Variants in SHROOM3 observed in about 807,000 individuals in gnomAD.
SHROOM3 encodes protein Shroom3.
SHROOM3 carries 47 observed loss-of-function variants against 138.6 expected under a neutral mutation model. The observed-to-expected ratio is 0.34, with a 90% confidence interval of 0.27 to 0.43. The LOEUF is 0.43. Among genes scored for constraint, SHROOM3 ranks in the 20% least tolerant of loss-of-function variants. The pLI is 1.00. For synonymous variants in SHROOM3, 1,062 were observed against 1,063.3 expected (o/e 1.00, Z 0.02); for missense variants, 2,491 against 2,596.5 (o/e 0.96, Z 0.88).
rs191110782 is a variant in SHROOM3 at position 76,618,735 on chromosome 4, G to A, written c.323+62972G>A. 3.3e-3 allele frequency among the ~76,000 whole-genome samples: 503 copies of A among 152,296 alleles called. 1 individual carries two copies. Among genetic ancestry groups the A allele is most frequent in the African/African-American group, 0.011 (458 of 41,560 alleles). On this transcript the variant is annotated intron_variant, in intron 2 of 10. Coordinates refer to ENST00000296043, the MANE Select transcript of SHROOM3 (RefSeq NM_020859.4). ...AGCTACAGTATAATTGTCAACTCTAGTAATTTTAACATTGATGTAATACTT... is the reference window on the plus strand; with the variant it reads ...AGCTACAGTATAATTGTCAACTCTAATAATTTTAACATTGATGTAATACTT...
intron 6 of SHROOM3, among the ~76,000 whole-genome samples, chr4:76,751,766 C>T (rs938325150): frequency 2.0e-5 from 3 of 152,162 alleles, no homozygotes; most frequent in African/African-American, 4.8e-5. Flanking sequence ...GAGATGTTTA[C>T]CTCACACACA....
chr4:76,754,530 A>G lies in SHROOM3; in HGVS notation c.4047A>G (p.Ala1349=). The change falls in exon 7 of 11, where the codon GCA becomes GCG. Residue 1349 remains alanine, a synonymous_variant. Transcript: ENST00000296043. ...TQGLVTDTRA[A]PLTPIGTPLP... ...GGCTGGTCACAGACACCAGGGCTGC[A>G]CCCCTGACCCCAATTGGCACCCCTC... 6.2e-7 allele frequency: 1 copy of G among 1,613,318 alleles called. No individual in the cohort carries two copies. The highest frequency in any genetic ancestry group is 8.5e-7 in the Non-Finnish European group (1 of 1,179,530).
At chr4:76,618,611 T>C (rs1734933051) in intron 2 of SHROOM3, among the ~76,000 whole-genome samples, 1 of 152,250 alleles carries the variant, frequency 6.6e-6, no homozygotes, top group South Asian at 2.1e-4. Flanking sequence ...CTATGTACTA[T>C]AATATTTTTT....
intron 2 of SHROOM3, among the ~76,000 whole-genome samples, chr4:76,638,110 G>C (rs1445865466): frequency 6.6e-6 from 1 of 152,160 alleles, no homozygotes. Flanking sequence ...TCAACAGATA[G>C]AGACTTCCAT....
At chr4:76,628,291 A>AT (rs1444111820) in intron 2 of SHROOM3, among the ~76,000 whole-genome samples, 1 of 152,162 alleles carries the variant, frequency 6.6e-6, no homozygotes, top group East Asian at 1.9e-4. Context: ...AGATCACTAG[A>AT]TTTTTCCCTG....
At chr4:76,625,413 T>C (rs1577928045) in intron 2 of SHROOM3, among the ~76,000 whole-genome samples, 1 of 152,042 alleles carries the variant, frequency 6.6e-6, no homozygotes, top group East Asian at 1.9e-4. Context: ...TCAACAGTGA[T>C]AACCAATCTT....
At chr4:76,524,804 A>G (rs1348282589) in intron 1 of SHROOM3, among the ~76,000 whole-genome samples, 1 of 152,162 alleles carries the variant, frequency 6.6e-6, no homozygotes, top group Non-Finnish European at 1.5e-5. Context: ...ATTCCATTTA[A>G]CTGTTAACTA....
intron 2 of SHROOM3, among the ~76,000 whole-genome samples, chr4:76,585,665 T>G (rs146041491): frequency 1.1e-3 from 166 of 152,250 alleles, no homozygotes; most frequent in African/African-American, 3.7e-3. Flanking sequence ...CGATGTGGTG[T>G]TGTTGTTTTG....
intron 2 of SHROOM3, among the ~76,000 whole-genome samples, chr4:76,564,443 C>T (rs1011030803): frequency 2.0e-5 from 3 of 152,156 alleles, no homozygotes; most frequent in Non-Finnish European, 4.4e-5. Flanking sequence ...CCTGCTGGGA[C>T]CATTCTCAGA....
chr4:76,676,290 G>A (rs542349051), intron 2 of SHROOM3, among the ~76,000 whole-genome samples: 25 of 152,170 alleles, frequency 1.6e-4, no homozygotes, highest in African/African-American at 6.0e-4. Flanking sequence ...AAATGAGATG[G>A]TGGGCATGTG....
intron 1 of SHROOM3, chr4:76,509,258 C>G (rs1560528558): frequency 6.6e-6 from 1 of 151,846 alleles, no homozygotes; most frequent in East Asian, 1.9e-4. Context: ...ATATCCCCCC[C>G]TCCGAATCCA....
At chr4:76,585,154 A>G (rs748330221) in intron 2 of SHROOM3, among the ~76,000 whole-genome samples, 1 of 152,134 alleles carries the variant, frequency 6.6e-6, no homozygotes, top group Non-Finnish European at 1.5e-5. Context: ...AATGATTACT[A>G]CTGCTGGTAG....
chr4:76,692,961 A>C (rs2110108790), intron 2 of SHROOM3, among the ~76,000 whole-genome samples: 1 of 152,334 alleles, frequency 6.6e-6, no homozygotes, highest in Admixed American at 6.5e-5. Flanking sequence ...TGAACACCTA[A>C]GACCTGTGCA....
intron 9 of SHROOM3, among the ~76,000 whole-genome samples, chr4:76,768,133 T>C (rs754767801): frequency 6.6e-6 from 1 of 152,236 alleles, no homozygotes; most frequent in African/African-American, 2.4e-5. Flanking sequence ...TGACTTCACA[T>C]AGATGACATT....
At chr4:76,717,143 C>A (rs1298655563) in intron 3 of SHROOM3, among the ~76,000 whole-genome samples, 1 of 152,178 alleles carries the variant, frequency 6.6e-6, no homozygotes, top group Non-Finnish European at 1.5e-5. Context: ...TTCCTTTCAA[C>A]ACTTTCAATC....
chr4:76,720,960 T>C (rs1360147275), intron 3 of SHROOM3, among the ~76,000 whole-genome samples: 1 of 152,056 alleles, frequency 6.6e-6, no homozygotes, highest in South Asian at 2.1e-4. Context: ...ATTGAGTTTA[T>C]TTCCTTTTTA....
chr4:76,632,286 C>T (rs1735348460), intron 2 of SHROOM3, among the ~76,000 whole-genome samples: 2 of 151,892 alleles, frequency 1.3e-5, no homozygotes, highest in Admixed American at 1.3e-4. Flanking sequence ...GACTGGAATC[C>T]CTCATCCTAG....
intron 3 of SHROOM3, among the ~76,000 whole-genome samples, chr4:76,726,541 TA>T (rs61455146): frequency 2.5e-3 from 226 of 90,826 alleles, no homozygotes; most frequent in Admixed American, 3.1e-3. Context: ...CCCCTCCATC[TA>T]AAAAAAAAAA....
chr4:76,733,032 G>A (rs925441148), intron 4 of SHROOM3, among the ~76,000 whole-genome samples: 1 of 152,164 alleles, frequency 6.6e-6, no homozygotes, highest in Non-Finnish European at 1.5e-5. Context: ...TATAAATGCA[G>A]GTGGGTATGT....
Sources: gnomAD v4.1 joint callset for allele counts (sites outside exome capture counted in the v4.1 genomes callset) on GRCh38, gnomAD v4.1.1 for gene constraint, MANE v1.5 for transcripts, NCBI Gene and HGNC (gene_info 2026-07-23, HGNC 2026-07-21) for gene names.